RAB27B: variants seen among roughly 807,000 people sequenced by gnomAD.
RAB27B encodes the protein RAB27B, member RAS oncogene family, also known as ras-related protein Rab-27B.
In RAB27B, 15 loss-of-function variants were observed where a neutral mutation model predicts 24.6. The ratio of observed to expected loss-of-function variants is 0.61; its 90% CI spans 0.41 to 0.94. The LOEUF (loss-of-function observed/expected upper bound fraction) is 0.94. Ranked by LOEUF, RAB27B falls within the 40% of genes least tolerant of loss-of-function variation. The pLI is 0.00. For synonymous variants in RAB27B, 105 were observed against 92.5 expected, an observed-to-expected ratio of 1.14 and a Z score of -0.78; for missense variants, 261 against 266.8, an observed-to-expected ratio of 0.98 and a Z score of 0.15.
chr18:54,760,128 G>T (rs969383131), intron 2 of RAB27B, among the ~76,000 whole-genome samples: 1 of 152,244 alleles, frequency 6.6e-6, no homozygotes, highest in East Asian at 1.9e-4. Flanking sequence ...AGAAGCTGCC[G>T]TGGGGGCCAC....
chr18:54,832,989 T>C (rs1308460980), intron 1 of RAB27B, among the ~76,000 whole-genome samples: 1 of 152,200 alleles, frequency 6.6e-6, no homozygotes, highest in Non-Finnish European at 1.5e-5. Flanking sequence ...ATAGAAGCTC[T>C]AATAAATTCA....
chr18:54,808,870 G>T (rs1598920251), intron 2 of RAB27B, among the ~76,000 whole-genome samples: 1 of 152,140 alleles, frequency 6.6e-6, no homozygotes, highest in East Asian at 1.9e-4. Context: ...TAAAAAATGA[G>T]AAGAACCTTT....
chr18:54,718,933 A>G (rs1158662836), intron 2 of RAB27B, among the ~76,000 whole-genome samples: 1 of 152,158 alleles, frequency 6.6e-6, no homozygotes. Context: ...TGTGGTTTTG[A>G]CCACAGTAAT....
At chr18:54,727,760 T>C (rs893456642) in intron 2 of RAB27B, among the ~76,000 whole-genome samples, 8 of 152,236 alleles carry the variant, frequency 5.3e-5, no homozygotes, top group African/African-American at 1.4e-4. Flanking sequence ...AGCAACAGCA[T>C]ACCTTTGGAT....
chr18:54,777,290 G>A (rs1180854142), intron 2 of RAB27B, among the ~76,000 whole-genome samples: 1 of 152,192 alleles, frequency 6.6e-6, no homozygotes, highest in African/African-American at 2.4e-5. Flanking sequence ...AGAAGGAAGA[G>A]AAAGTACTTG....
chr18:54,885,393 T>C (rs1913091526), intron 4 of RAB27B, among the ~76,000 whole-genome samples: 1 of 152,164 alleles, frequency 6.6e-6, no homozygotes, highest in Non-Finnish European at 1.5e-5. Flanking sequence ...ACCTACAAGG[T>C]CACTGTGATG....
chr18:54,813,345 A>G (rs1224021870), intron 2 of RAB27B, among the ~76,000 whole-genome samples: 1 of 152,216 alleles, frequency 6.6e-6, no homozygotes, highest in African/African-American at 2.4e-5. Flanking sequence ...GGGATTTGAT[A>G]TGGTTTGGAT....
intron 1 of RAB27B, among the ~76,000 whole-genome samples, chr18:54,867,481 C>T (rs1355889858): frequency 7.8e-6 from 1 of 128,780 alleles, no homozygotes; most frequent in East Asian, 2.3e-4. Context: ...GAGTCTCGCT[C>T]TGTTGCCCAG....
intron 2 of RAB27B, among the ~76,000 whole-genome samples, chr18:54,757,475 G>A (rs1908043418): frequency 6.6e-6 from 1 of 152,084 alleles, no homozygotes; most frequent in Non-Finnish European, 1.5e-5. Flanking sequence ...AACAACAATT[G>A]CATAATAGTA....
rs894513772 is a variant in RAB27B, at chr18:54,892,516, A to G, written c.*3103A>G. The G allele has an allele frequency of 1.3e-5, 2 of 152,088 alleles. No homozygotes were observed. Among genetic ancestry groups the G allele is most frequent in the Non-Finnish European group, 2.9e-5 (2 of 67,978 alleles). The allele number at this position is 152,088 out of a possible 1,614,324, so 9.4% of individuals were successfully genotyped here. A position where few individuals can be genotyped will look rare whatever the true frequency, so the allele number is the denominator to read the frequency against. Reference sequence around the variant, plus strand: ...GAGACTCTTAGCTGTGATTAGGTACAAGCTTACCTTTTAGGGTAGAAAAAG... The same window carrying G: ...GAGACTCTTAGCTGTGATTAGGTACGAGCTTACCTTTTAGGGTAGAAAAAG... On this transcript the variant is annotated 3_prime_UTR_variant, in exon 6 of 6. Transcript: ENST00000262094.
chr18:54,852,042 C>T (rs1296124205), intron 1 of RAB27B, among the ~76,000 whole-genome samples: 1 of 152,160 alleles, frequency 6.6e-6, no homozygotes, highest in Non-Finnish European at 1.5e-5. Flanking sequence ...GGTTGACTAA[C>T]AACAGAGTTC....
At chr18:54,844,408 CTTTTTT>C (rs148747981) in intron 1 of RAB27B, among the ~76,000 whole-genome samples, 1 of 107,874 alleles carries the variant, frequency 9.3e-6, no homozygotes, top group Non-Finnish European at 1.9e-5. Flanking sequence ...CTTTTCTTTT[CTTTTTT>C]TTTTTTTTTT....
chr18:54,793,981 A>G (rs1024421739), intron 2 of RAB27B, among the ~76,000 whole-genome samples: 5 of 152,248 alleles, frequency 3.3e-5, no homozygotes, highest in African/African-American at 7.2e-5. Flanking sequence ...AAAATGCACA[A>G]TCATCTGGAT....
At chr18:54,735,250 A>G (rs150161985) in intron 2 of RAB27B, among the ~76,000 whole-genome samples, 1 of 152,344 alleles carries the variant, frequency 6.6e-6, no homozygotes, top group East Asian at 1.9e-4. Flanking sequence ...TGTGCTGTCC[A>G]GTAAGGTAGC....
chr18:54,859,400 T>C (rs1299036922), intron 1 of RAB27B, among the ~76,000 whole-genome samples: 1 of 151,968 alleles, frequency 6.6e-6, no homozygotes, highest in Non-Finnish European at 1.5e-5. Flanking sequence ...AAATTCTAAG[T>C]AGCAACCTTT....
chr18:54,862,494 CT>C (rs1214794166), intron 1 of RAB27B, among the ~76,000 whole-genome samples: 2 of 152,214 alleles, frequency 1.3e-5, no homozygotes, highest in East Asian at 3.9e-4. Context: ...GAATTGGGTG[CT>C]GAAGGGGTTT....
chr18:54,863,978 G>T, intron 1 of RAB27B, among the ~76,000 whole-genome samples: 1 of 152,172 alleles, frequency 6.6e-6, no homozygotes, highest in East Asian at 1.9e-4. Flanking sequence ...GAGCATTCAT[G>T]TACAAATCTT....
chr18:54,817,779 T>C (rs1488767345), intron 2 of RAB27B, among the ~76,000 whole-genome samples: 1 of 151,798 alleles, frequency 6.6e-6, no homozygotes, highest in Admixed American at 6.6e-5. Flanking sequence ...CACCAGAAAT[T>C]AGTGTCACCG....
At chr18:54,823,486 A>G (rs1311612118), upstream of RAB27B, among the ~76,000 whole-genome samples, 1 of 152,232 alleles carries the variant, frequency 6.6e-6, no homozygotes, top group Non-Finnish European at 1.5e-5. Context: ...CCAGAAGGTC[A>G]GTGACTCATG....
Sources: gnomAD v4.1 joint callset for allele counts (sites outside exome capture counted in the v4.1 genomes callset) on GRCh38, gnomAD v4.1.1 for gene constraint, MANE v1.5 for transcripts, NCBI Gene and HGNC (gene_info 2026-07-23, HGNC 2026-07-21) for gene names.